Variants in TANC2 observed in about 807,000 individuals in gnomAD.
TANC2 encodes tetratricopeptide repeat, ankyrin repeat and coiled-coil containing 2.
Under a neutral mutation model 210.5 loss-of-function variants are expected in TANC2, and 26 were observed. The observed-to-expected ratio is 0.12, with a 90% CI of 0.09 to 0.17. The LOEUF (loss-of-function observed/expected upper bound fraction) is 0.17. Among genes scored for constraint, TANC2 ranks in the 10% least tolerant of loss-of-function variants. The pLI, the probability that TANC2 is intolerant of heterozygous loss-of-function variation, is 1.00. For missense variants in TANC2, 2,129 were observed against 2,608.9 expected, an observed-to-expected ratio of 0.82 and a Z score of 4.01; for synonymous variants, 931 against 967.1, an observed-to-expected ratio of 0.96 and a Z score of 0.69.
chr17:63,036,535 G>A (rs2034978818), intron 2 of TANC2, among the ~76,000 whole-genome samples: 2 of 152,086 alleles, frequency 1.3e-5, no homozygotes, highest in Non-Finnish European at 2.9e-5. Flanking sequence ...TCTTAAAATA[G>A]GGTAGTATAA....
intron 8 of TANC2, among the ~76,000 whole-genome samples, chr17:63,267,004 C>T (rs187476947): frequency 3.3e-5 from 5 of 152,084 alleles, no homozygotes; most frequent in Admixed American, 1.3e-4. Flanking sequence ...CGCACACCAC[C>T]ACGCCTGGCT....
At chr17:63,051,955 A>G (rs936872515) in intron 2 of TANC2, among the ~76,000 whole-genome samples, 4 of 152,146 alleles carry the variant, frequency 2.6e-5, no homozygotes, top group Admixed American at 2.0e-4. Context: ...GTTTATCAAG[A>G]CATAACCCTG....
intron 15 of TANC2, among the ~76,000 whole-genome samples, chr17:63,380,207 T>G (rs1434531742): frequency 6.6e-6 from 1 of 152,230 alleles, no homozygotes; most frequent in Non-Finnish European, 1.5e-5. Context: ...TAAAATTGTT[T>G]TAGTGACAAT....
intron 5 of TANC2, among the ~76,000 whole-genome samples, chr17:63,174,257 G>A (rs1381779706): frequency 6.6e-6 from 1 of 152,154 alleles, no homozygotes; most frequent in East Asian, 1.9e-4. Context: ...ATTCTTTACA[G>A]TACTTCTAGT....
intron 2 of TANC2, among the ~76,000 whole-genome samples, chr17:63,017,374 A>G (rs181833611): frequency 1.7e-3 from 258 of 152,328 alleles, no homozygotes; most frequent in Admixed American, 2.9e-3. Flanking sequence ...ATACAAATGT[A>G]TGGGCTGCTA....
At chr17:62,992,045 C>T (rs540948552) in intron 1 of TANC2, among the ~76,000 whole-genome samples, 2 of 152,226 alleles carry the variant, frequency 1.3e-5, no homozygotes, top group South Asian at 2.1e-4. Context: ...ATTTACATAG[C>T]ATTTACATTA....
intron 5 of TANC2, among the ~76,000 whole-genome samples, chr17:63,186,784 T>C (rs979327355): frequency 1.3e-5 from 2 of 152,226 alleles, no homozygotes; most frequent in African/African-American, 4.8e-5. Flanking sequence ...GTAAACACAC[T>C]GCTTACAAAG....
At chr17:63,401,469 A>C (rs2048342090) in intron 19 of TANC2, among the ~76,000 whole-genome samples, 1 of 152,230 alleles carries the variant, frequency 6.6e-6, no homozygotes, top group African/African-American at 2.4e-5. Flanking sequence ...TGTAAGATGC[A>C]TTCCAATTTC....
chr17:63,103,648 C>T (rs995604686), intron 4 of TANC2, among the ~76,000 whole-genome samples: 2 of 151,928 alleles, frequency 1.3e-5, no homozygotes, highest in East Asian at 1.9e-4. Context: ...TTTTAAAAAC[C>T]GTGTTTAAGG....
At chr17:63,198,334 A>G (rs2041414194) in intron 6 of TANC2, among the ~76,000 whole-genome samples, 1 of 152,028 alleles carries the variant, frequency 6.6e-6, no homozygotes, top group African/African-American at 2.4e-5. Flanking sequence ...AGCTGGGAGT[A>G]GAGGCATGCA....
At chr17:63,240,254 T>C (rs1377391632) in intron 8 of TANC2, among the ~76,000 whole-genome samples, 1 of 152,226 alleles carries the variant, frequency 6.6e-6, no homozygotes, top group Non-Finnish European at 1.5e-5. Flanking sequence ...TCTGGTTCTA[T>C]TATTTGAGAA....
intron 4 of TANC2, among the ~76,000 whole-genome samples, chr17:63,100,417 A>G (rs1367807252): frequency 2.0e-5 from 3 of 152,150 alleles, no homozygotes; most frequent in African/African-American, 7.2e-5. Context: ...GCCGTTAGAT[A>G]CTTCAGTCTA....
At chr17:63,368,936 T>C (rs2047185733) in intron 14 of TANC2, among the ~76,000 whole-genome samples, 1 of 152,206 alleles carries the variant, frequency 6.6e-6, no homozygotes, top group Admixed American at 6.5e-5. Context: ...AAAGGGCAAC[T>C]TAAAGTCCTT....
chr17:63,356,931 G>T (rs1000973356), intron 14 of TANC2, among the ~76,000 whole-genome samples: 9 of 152,116 alleles, frequency 5.9e-5, no homozygotes, highest in Non-Finnish European at 1.2e-4. Context: ...GACCCTTCTG[G>T]TGTATCTTAG....
In TANC2 at chr17:63,071,994, C is replaced by G. The variant is rs142661505; in HGVS notation, c.68-1949C>G. Among the ~76,000 whole-genome samples the G allele has an allele frequency of 9.1e-4, 139 of 152,230 alleles. 1 individual carries two copies. Among genetic ancestry groups the G allele is most frequent in the African/African-American group, 3.2e-3 (135 of 41,544 alleles). On this transcript the variant is annotated intron_variant, in intron 2 of 27. Transcript: ENST00000689528. ...TAGTCACCATGAGTTTCAGTGTTCT[C>G]AGCTGTGAAATAGGTCTTTACTTCA...
rs527348146 is a variant in TANC2, at chr17:63,421,107, G to A, written c.5377G>A (p.Val1793Met). 4.0e-5 allele frequency: 64 copies of A among 1,613,948 alleles called. No individual in the cohort carries two copies. Among genetic ancestry groups the A allele is most frequent in the East Asian group, 2.9e-4 (13 of 44,874 alleles). ...ACCTTCCTCAGCATACCGAGGTGGCGTGAGATACAGCCAGACACCACAGAT... is the reference window on the plus strand; with the variant it reads ...ACCTTCCTCAGCATACCGAGGTGGCATGAGATACAGCCAGACACCACAGAT... The change falls in exon 28 of 28, where the codon GTG (valine) becomes ATG (methionine). Residue 1793 changes from valine (V) to methionine (M), a missense_variant. Physicochemically the swap from Val to Met is conservative, Grantham distance 21. Coordinates refer to ENST00000689528, the Ensembl canonical transcript of TANC2. The surrounding 1 kb of genome is among the most constrained non-coding windows in gnomAD (Gnocchi z 6.9).
At chr17:62,998,418 T>A (rs1159747467) in intron 1 of TANC2, among the ~76,000 whole-genome samples, 1 of 151,920 alleles carries the variant, frequency 6.6e-6, no homozygotes, top group East Asian at 1.9e-4. Context: ...ATGCAGAAAA[T>A]CCATGTGAGA....
At chr17:63,355,972 A>G (rs768906977) in intron 14 of TANC2, among the ~76,000 whole-genome samples, 7 of 152,170 alleles carry the variant, frequency 4.6e-5, no homozygotes, top group Non-Finnish European at 1.0e-4. Flanking sequence ...CCATTTTGCT[A>G]TAAAGGCCTT....
chr17:63,260,487 C>G (rs950935059), intron 8 of TANC2, among the ~76,000 whole-genome samples: 1 of 152,198 alleles, frequency 6.6e-6, no homozygotes, highest in Non-Finnish European at 1.5e-5. Context: ...ACTAGGTGAT[C>G]TTTTAAGATT....
Sources: allele counts gnomAD v4.1 joint callset (sites outside exome capture counted in the v4.1 genomes callset), GRCh38; gene constraint gnomAD v4.1.1; non-coding constraint Gnocchi (gnomAD v3.1); transcripts MANE v1.5; gene names NCBI Gene and HGNC (gene_info 2026-07-23, HGNC 2026-07-21).